Variants in DLGAP2 observed in about 807,000 individuals in gnomAD.
DLGAP2 encodes the protein disks large-associated protein 2.
In DLGAP2, 26 loss-of-function variants were observed where a neutral mutation model predicts 100.3. The ratio of observed to expected loss-of-function variants is 0.26; its 90% confidence interval spans 0.19 to 0.36. DLGAP2 has a LOEUF of 0.36. Among genes scored for constraint, DLGAP2 ranks in the 10% least tolerant of loss-of-function variants. The pLI is 1.00. For missense variants in DLGAP2, 1,858 were observed against 1,453.2 expected (o/e 1.28, Z -4.53); for synonymous variants, 886 against 630.1 (o/e 1.41, Z -6.08).
intron 4 of DLGAP2, among the ~76,000 whole-genome samples, chr8:1,543,178 T>C (rs1013342139): frequency 1.3e-5 from 2 of 152,264 alleles, no homozygotes; most frequent in African/African-American, 4.8e-5. Context: ...TGATGGCATC[T>C]TTTAAAGCAT....
intron 3 of DLGAP2, among the ~76,000 whole-genome samples, chr8:1,359,014 G>A (rs1031416205): frequency 2.0e-5 from 3 of 152,208 alleles, no homozygotes; most frequent in African/African-American, 7.2e-5. Flanking sequence ...AACACAGAGT[G>A]CAGGACCCTG....
At chr8:1,330,919 GGGGACTGAGTTCTGGGT>G (rs536627237) in intron 3 of DLGAP2, among the ~76,000 whole-genome samples, 13 of 146,774 alleles carry the variant, frequency 8.9e-5, no homozygotes, top group Admixed American at 1.3e-4. Context: ...ACCACTTCAT[GGGGACTGAGTTCTGGGT>G]GGGACTGAGT....
chr8:1,427,791 G>A (rs763031491), intron 3 of DLGAP2, among the ~76,000 whole-genome samples: 16 of 152,134 alleles, frequency 1.1e-4, no homozygotes, highest in Non-Finnish European at 2.1e-4. Context: ...ACATGGAACC[G>A]TAAGTCCAAT....
intron 3 of DLGAP2, among the ~76,000 whole-genome samples, chr8:1,488,466 G>C (rs1450207635): frequency 6.6e-6 from 1 of 152,202 alleles, no homozygotes; most frequent in Non-Finnish European, 1.5e-5. Context: ...AAGAGGCATT[G>C]AGAGGCCAGT....
intron 3 of DLGAP2, among the ~76,000 whole-genome samples, chr8:1,327,707 C>T (rs539751506): frequency 6.6e-5 from 10 of 152,008 alleles, no homozygotes; most frequent in South Asian, 2.1e-4. Flanking sequence ...ATCCGGGCGT[C>T]GTGGCGGGCG....
intron 1 of DLGAP2, among the ~76,000 whole-genome samples, chr8:878,070 C>G (rs1264865317): frequency 1.3e-5 from 2 of 152,158 alleles, no homozygotes; most frequent in African/African-American, 2.4e-5. Flanking sequence ...TTGTTGTTGT[C>G]TATAATTTTC....
chr8:1,098,546 C>T (rs1247840999), intron 2 of DLGAP2, among the ~76,000 whole-genome samples: 1 of 151,982 alleles, frequency 6.6e-6, no homozygotes, highest in East Asian at 1.9e-4. Flanking sequence ...GCACAGCGGG[C>T]TGGCCCCACC....
At chr8:1,482,429 C>T (rs547837279) in intron 3 of DLGAP2, among the ~76,000 whole-genome samples, 1 of 152,352 alleles carries the variant, frequency 6.6e-6, no homozygotes, top group South Asian at 2.1e-4. Flanking sequence ...AAAATCATTG[C>T]ATTTCTTTTT....
At chr8:1,386,901 A>C (rs1484269116) in intron 3 of DLGAP2, among the ~76,000 whole-genome samples, 2 of 152,228 alleles carry the variant, frequency 1.3e-5, no homozygotes, top group Non-Finnish European at 2.9e-5. Flanking sequence ...ATGCACATTA[A>C]AAAGTAAAGT....
At position 871,614 on chromosome 8, in the gene DLGAP2, A is replaced by T. The variant is rs572261193; in HGVS notation, c.19-36298A>T. On this transcript the variant is annotated intron_variant, in intron 1 of 14. Coordinates refer to ENST00000637795, the MANE Select transcript of DLGAP2 (RefSeq NM_001346810.2). ...CTTTAGAGAGCTGACATGATGCTCA[A>T]TGGAACTGCTCATTGGAGCATTTCG... Among the ~76,000 whole-genome samples the T allele has an allele frequency of 2.6e-5, 4 of 152,354 alleles. No homozygotes were observed. In the South Asian group the frequency reaches 8.3e-4, roughly 32 times the overall value.
At chr8:1,315,439 G>T (rs62486210) in intron 3 of DLGAP2, among the ~76,000 whole-genome samples, 2 of 80,036 alleles carry the variant, frequency 2.5e-5, no homozygotes, top group Non-Finnish European at 5.1e-5. Flanking sequence ...GTGTGCGAGT[G>T]CAGCGTCTCT....
intron 3 of DLGAP2, among the ~76,000 whole-genome samples, chr8:1,487,132 G>C (rs777955456): frequency 3.9e-5 from 6 of 152,086 alleles, no homozygotes; most frequent in Non-Finnish European, 1.5e-5. Context: ...GGTTTTCTGC[G>C]AGTAAACTTG....
chr8:1,599,361 T>A (rs980869751), intron 6 of DLGAP2, among the ~76,000 whole-genome samples: 1 of 152,224 alleles, frequency 6.6e-6, no homozygotes, highest in Non-Finnish European at 1.5e-5. Context: ...TGGAGAGTTA[T>A]GTAGATGTCA....
At chr8:1,624,089 C>A (rs1013912312) in intron 6 of DLGAP2, among the ~76,000 whole-genome samples, 16 of 152,200 alleles carry the variant, frequency 1.1e-4, no homozygotes, top group South Asian at 6.2e-4. Context: ...AAACTGTGGA[C>A]ACCAGATCCA....
chr8:1,246,058 A>G (rs1402469635), intron 2 of DLGAP2, among the ~76,000 whole-genome samples: 2 of 152,224 alleles, frequency 1.3e-5, no homozygotes, highest in African/African-American at 4.8e-5. Context: ...ATGTACTATC[A>G]GTGTCTATAT....
intron 13 of DLGAP2, among the ~76,000 whole-genome samples, chr8:1,695,305 G>A (rs552861271): frequency 2.8e-5 from 4 of 144,894 alleles, no homozygotes; most frequent in East Asian, 4.2e-4. Flanking sequence ...AGTCATGCCC[G>A]GCCCTACAGA....
At chr8:1,537,021 C>G (rs956765227) in intron 4 of DLGAP2, among the ~76,000 whole-genome samples, 1 of 152,008 alleles carries the variant, frequency 6.6e-6, no homozygotes, top group African/African-American at 2.4e-5. Flanking sequence ...GCCCTTCACA[C>G]CTCGGAGAAG....
intron 3 of DLGAP2, among the ~76,000 whole-genome samples, chr8:1,272,917 G>A (rs1288593321): frequency 6.6e-6 from 1 of 152,124 alleles, no homozygotes; most frequent in Non-Finnish European, 1.5e-5. Context: ...TCATGACCAC[G>A]TAAAAGGTGA....
intron 4 of DLGAP2, among the ~76,000 whole-genome samples, chr8:1,544,373 A>C (rs941420459): frequency 6.6e-6 from 1 of 152,226 alleles, no homozygotes; most frequent in Non-Finnish European, 1.5e-5. Context: ...AGCAGCAGTG[A>C]AAGTGGGCAT....
Sources: gnomAD v4.1 joint callset for allele counts (sites outside exome capture counted in the v4.1 genomes callset) on GRCh38, gnomAD v4.1.1 for gene constraint, MANE v1.5 for transcripts, NCBI Gene and HGNC (gene_info 2026-07-23, HGNC 2026-07-21) for gene names.